The following TPPP variants were observed in gnomAD, a reference collection of about 807,000 sequenced individuals.
TPPP encodes tubulin polymerization-promoting protein.
Under a neutral mutation model 15.5 loss-of-function variants are expected in TPPP, and 6 were observed. The ratio of observed to expected loss-of-function variants is 0.39; its 90% confidence interval spans 0.21 to 0.77. The LOEUF (loss-of-function observed/expected upper bound fraction) is 0.77. TPPP is among the 30% of genes least tolerant of loss of function. The pLI, the probability that TPPP is intolerant of heterozygous loss-of-function variation, is 0.42. For missense variants in TPPP, 269 were observed against 307.2 expected (o/e 0.88, Z 0.93); for synonymous variants, 146 against 133.9 (o/e 1.09, Z -0.63).
intron 2 of TPPP, among the ~76,000 whole-genome samples, chr5:676,994 GCA>G (rs1740468872): frequency 9.1e-6 from 1 of 109,910 alleles, no homozygotes; most frequent in African/African-American, 3.1e-5. Flanking sequence ...GCAGAAACGC[GCA>G]CACGTGCACA....
intron 2 of TPPP, among the ~76,000 whole-genome samples, chr5:671,908 G>A (rs907945413): frequency 6.6e-6 from 1 of 152,188 alleles, no homozygotes; most frequent in African/African-American, 2.4e-5. Context: ...TGGGTACCAC[G>A]GGGGAGGGGG....
chr5:666,310 C>T (rs1048429009), intron 2 of TPPP, among the ~76,000 whole-genome samples, 187 bp from the exon 3 acceptor site: 4 of 152,220 alleles, frequency 2.6e-5, no homozygotes, highest in African/African-American at 9.6e-5. Flanking sequence ...AGCAGGTCCT[C>T]TATAAAGCTG....
rs1037742239 is a variant in TPPP at position 663,113 on chromosome 5, G to A, written c.*1989C>T. ...GATTGGGCGATTCCGGTGGCCGCTC[G>A]TCTGTGATCGGGCGATTCCGGTGAC... On this transcript the variant is annotated 3_prime_UTR_variant, in exon 4 of 4. Coordinates refer to ENST00000360578, the MANE Select transcript of TPPP (RefSeq NM_007030.3). 1 of 139,660 alleles carries A rather than the reference G, an allele frequency of 7.2e-6. No homozygotes were observed. The highest frequency in any genetic ancestry group is 1.5e-5 in the Non-Finnish European group (1 of 67,794). 8.7% of individuals were successfully genotyped at this position (139,660 alleles called of 1,614,324 possible). A position where few individuals can be genotyped will look rare whatever the true frequency, so the allele number is the denominator to read the frequency against.
At chr5:686,756 C>T (rs1164548412) in intron 1 of TPPP, among the ~76,000 whole-genome samples, 1 of 146,550 alleles carries the variant, frequency 6.8e-6, no homozygotes, top group East Asian at 1.9e-4. Context: ...GTGCTACAGG[C>T]TGAATTCGTC....
At chr5:675,908 GAGGCTGGGAAGCCACAGAGGAGGTT>G in intron 2 of TPPP, 1 of 152,232 alleles carries the variant, frequency 6.6e-6, no homozygotes, top group Non-Finnish European at 1.5e-5. Context: ...TGAGGACACT[GAGGCTGGGAAGCCACAGAGGAGGTT>G]GGCGGGGCCA....
chr5:692,105 T>C (rs190159059), intron 1 of TPPP, among the ~76,000 whole-genome samples: 749 of 25,860 alleles, frequency 0.029, no homozygotes, highest in Non-Finnish European at 0.042. Context: ...GACAGCAGCC[T>C]CCCAACCCCA....
intron 2 of TPPP, chr5:676,277 A>AGACACCCAAGACCCAGGG (rs2126899036): frequency 6.6e-6 from 1 of 152,422 alleles, no homozygotes; most frequent in South Asian, 2.1e-4. Context: ...ACGACCCAGG[A>AGACACCCAAGACCCAGGG]GACACCCAAG....
chr5:694,209 G>C (rs1740976394), upstream of TPPP, among the ~76,000 whole-genome samples: 1 of 151,760 alleles, frequency 6.6e-6, no homozygotes, highest in Admixed American at 6.6e-5. Context: ...GGGCTGCCCG[G>C]CCCTCCGCAG....
intron 1 of TPPP, chr5:692,881 T>C: frequency 1.1e-6 from 1 of 948,910 alleles, no homozygotes. Context: ...GGCGGCCCCC[T>C]AGGCCTGGGA....
rs1237598648 is a variant in TPPP at position 661,411 on chromosome 5, G to A, written c.*3691C>T. 7.3e-6 allele frequency: 1 copy of A among 137,004 alleles called. No individual in the cohort carries two copies. The highest frequency in any genetic ancestry group is 2.4e-4 in the South Asian group (1 of 4,212). The allele number at this position is 137,004 out of a possible 1,614,324, so 8.5% of individuals were successfully genotyped here. The stretch of plus-strand genomic sequence containing the variant: ...CACCCATGACAGAACCTGTCCCTGT[G>A]TCCTGGTGTCACCCCCGACAGAACC... On this transcript the variant is annotated 3_prime_UTR_variant, in exon 4 of 4. Coordinates refer to ENST00000360578, the MANE Select transcript of TPPP (RefSeq NM_007030.3).
At chr5:686,484 C>T (rs1055621081) in intron 1 of TPPP, among the ~76,000 whole-genome samples, 2 of 151,312 alleles carry the variant, frequency 1.3e-5, no homozygotes, top group Admixed American at 6.6e-5. Flanking sequence ...GGACCCTGCC[C>T]TGCCCCGCCC....
At chr5:669,766 C>T (rs554351983) in intron 2 of TPPP, among the ~76,000 whole-genome samples, 1 of 152,192 alleles carries the variant, frequency 6.6e-6, no homozygotes, top group East Asian at 1.9e-4. Context: ...GGGTCTCTGC[C>T]CCACACGGGC....
At chr5:684,064 C>T (rs1012473259) in intron 1 of TPPP, among the ~76,000 whole-genome samples, 2 of 152,232 alleles carry the variant, frequency 1.3e-5, no homozygotes. Context: ...AGGGCCAGAC[C>T]CCACTGCCGG....
chr5:696,153 G>A (rs1202254652), upstream of TPPP, among the ~76,000 whole-genome samples: 1 of 135,592 alleles, frequency 7.4e-6, no homozygotes, highest in Non-Finnish European at 1.7e-5. Flanking sequence ...GTTGGGAAGA[G>A]CAGACACAGC....
intron 2 of TPPP, among the ~76,000 whole-genome samples, chr5:672,588 G>C (rs919448466): frequency 6.6e-6 from 1 of 152,244 alleles, no homozygotes; most frequent in Non-Finnish European, 1.5e-5. Flanking sequence ...CCCAGAGGCT[G>C]GTGGTGTTTG....
intron 2 of TPPP, among the ~76,000 whole-genome samples, chr5:673,511 A>C (rs1361931175): frequency 1.3e-5 from 2 of 152,100 alleles, no homozygotes; most frequent in African/African-American, 4.8e-5. Flanking sequence ...CCGGAGTCCC[A>C]GTCCTGGCCA....
chr5:669,747 A>G (rs1740134123), intron 2 of TPPP, among the ~76,000 whole-genome samples: 1 of 151,990 alleles, frequency 6.6e-6, no homozygotes, highest in Non-Finnish European at 1.5e-5. Flanking sequence ...TCTCGGGGAA[A>G]GGGCGCCCGG....
chr5:667,452 T>C (rs1739967334), intron 2 of TPPP, among the ~76,000 whole-genome samples: 1 of 152,188 alleles, frequency 6.6e-6, no homozygotes, highest in Non-Finnish European at 1.5e-5. Context: ...ATTATGAAAC[T>C]AAAACTTCTA....
At position 663,016 on chromosome 5, in the gene TPPP, G is replaced by A. The variant is rs1447844743; in HGVS notation, c.*2086C>T. On this transcript the variant is annotated 3_prime_UTR_variant, in exon 4 of 4. Coordinates refer to ENST00000360578, the MANE Select transcript of TPPP (RefSeq NM_007030.3). Reference sequence around the variant, plus strand: ...CTGTGATCGGGCGAGTCTGGTGACCGCTCGTCTGTGATCGGGTGAGTCCGA... The same window carrying A: ...CTGTGATCGGGCGAGTCTGGTGACCACTCGTCTGTGATCGGGTGAGTCCGA... 2.7e-5 allele frequency: 4 copies of A among 150,772 alleles called. No individual in the cohort carries two copies. The South Asian group carries it at 5.8e-4, about 22-fold the overall frequency. 9.3% of individuals were successfully genotyped at this position (150,772 alleles called of 1,614,324 possible). A position where few individuals can be genotyped will look rare whatever the true frequency, so the allele number is the denominator to read the frequency against.
Sources: allele counts gnomAD v4.1 joint callset (sites outside exome capture counted in the v4.1 genomes callset), GRCh38; gene constraint gnomAD v4.1.1; transcripts MANE v1.5; gene names NCBI Gene and HGNC (gene_info 2026-07-23, HGNC 2026-07-21).